Variants in NLGN4X observed in about 807,000 individuals in gnomAD.
The protein encoded by NLGN4X is neuroligin 4 X-linked.
NLGN4X carries 3 observed loss-of-function variants against 40.3 expected under a neutral mutation model. The ratio of observed to expected loss-of-function variants is 0.07; its 90% CI spans 0.03 to 0.19. The LOEUF is 0.19. Ranked by LOEUF, NLGN4X falls within the 10% of genes least tolerant of loss-of-function variation. NLGN4X has a pLI of 1.00. For synonymous variants in NLGN4X, 270 were observed against 306.8 expected, an observed-to-expected ratio of 0.88 and a Z score of 1.25; for missense variants, 382 against 708.3, an observed-to-expected ratio of 0.54 and a Z score of 5.23.
intron 2 of NLGN4X, among the ~76,000 whole-genome samples, chrX:6,137,013 T>G (rs192184493): frequency 8.9e-6 from 1 of 112,545 alleles, no homozygotes; most frequent in African/African-American, 3.2e-5. Context: ...CCAGACTGCA[T>G]TCATTTCTGG....
rs372197838 is a variant in NLGN4X at position 6,131,217 on chromosome X, G to A, written c.472+19778C>T. Among the ~76,000 whole-genome samples the A allele has an allele frequency of 3.1e-4, 34 of 110,112 alleles. No homozygotes were observed. The East Asian group carries it at 8.4e-3, about 27-fold the overall frequency. Reference sequence around the variant, plus strand: ...AGACTATTCATGCATTAAAAAAAAAGAAATAATTGGGACAAAGATCTCCTA... The same window carrying A: ...AGACTATTCATGCATTAAAAAAAAAAAAATAATTGGGACAAAGATCTCCTA... On this transcript the variant is annotated intron_variant, in intron 2 of 5. Coordinates refer to ENST00000381095, the MANE Select transcript of NLGN4X (RefSeq NM_181332.3).
intron 3 of NLGN4X, among the ~76,000 whole-genome samples, chrX:5,968,457 C>CTCTCTCTCTGTGTGTGTGTG (rs1192942244): frequency 4.3e-5 from 2 of 47,018 alleles, no homozygotes; most frequent in African/African-American, 2.2e-4. Context: ...CTCTCTCTCT[C>CTCTCTCTCTGTGTGTGTGTG]TGTGTGTGTG....
intron 2 of NLGN4X, among the ~76,000 whole-genome samples, chrX:6,053,512 T>C (rs1392833925): frequency 9.0e-6 from 1 of 110,719 alleles, no homozygotes; most frequent in Non-Finnish European, 1.9e-5. Context: ...TGGTATACAA[T>C]CATCACATAA....
intron 3 of NLGN4X, among the ~76,000 whole-genome samples, chrX:5,978,778 TG>T (rs759470484): frequency 8.9e-6 from 1 of 111,744 alleles, no homozygotes; most frequent in South Asian, 3.7e-4. Flanking sequence ...TATACAGTTA[TG>T]AAGCCATCAC....
At chrX:6,081,359 T>C (rs919032609) in intron 2 of NLGN4X, among the ~76,000 whole-genome samples, 3 of 112,229 alleles carry the variant, frequency 2.7e-5, no homozygotes, top group African/African-American at 9.7e-5. Context: ...TCAAGCGATT[T>C]TCCTGCCCTA....
chrX:5,970,974 G>T (rs936419416), intron 3 of NLGN4X, among the ~76,000 whole-genome samples: 1 of 110,938 alleles, frequency 9.0e-6, no homozygotes, highest in African/African-American at 3.3e-5. Flanking sequence ...GACTACTCTC[G>T]GTATAGATAC....
chrX:6,101,860 A>G (rs2038915877), intron 2 of NLGN4X, among the ~76,000 whole-genome samples: 2 of 106,128 alleles, frequency 1.9e-5, no homozygotes, highest in Non-Finnish European at 3.9e-5. Flanking sequence ...CCCAGGCTGG[A>G]GTGCAGTGGC....
chrX:5,906,887 C>T (rs1235000095), intron 4 of NLGN4X, among the ~76,000 whole-genome samples: 1 of 110,840 alleles, frequency 9.0e-6, no homozygotes, highest in Non-Finnish European at 1.9e-5. Flanking sequence ...CGAGACTAGC[C>T]TGGCCAACAC....
chrX:5,899,202 T>C (rs1216568055), intron 5 of NLGN4X, among the ~76,000 whole-genome samples: 2 of 112,454 alleles, frequency 1.8e-5, no homozygotes, highest in Non-Finnish European at 3.8e-5. Flanking sequence ...AAGAGCTCAC[T>C]GCATTAATAC....
chrX:6,136,164 G>A (rs187551343), intron 2 of NLGN4X, among the ~76,000 whole-genome samples: 107 of 111,795 alleles, frequency 9.6e-4, no homozygotes, highest in African/African-American at 3.3e-3. Context: ...CTGCAGCCTC[G>A]ACCTCCTGAC....
chrX:6,037,019 AT>A (rs1363696578), intron 2 of NLGN4X, among the ~76,000 whole-genome samples: 1 of 111,600 alleles, frequency 9.0e-6, no homozygotes, highest in African/African-American at 3.3e-5. Flanking sequence ...TTTGTAAAGA[AT>A]TTGGAAAATG....
chrX:6,019,434 T>C (rs1006726430), intron 3 of NLGN4X, among the ~76,000 whole-genome samples: 12 of 111,753 alleles, frequency 1.1e-4, no homozygotes, highest in Non-Finnish European at 2.1e-4. Flanking sequence ...AGGCATGCAC[T>C]GCATAATAAT....
intron 1 of NLGN4X, among the ~76,000 whole-genome samples, chrX:6,172,107 C>T (rs1206151107): frequency 8.9e-6 from 1 of 111,906 alleles, no homozygotes; most frequent in Non-Finnish European, 1.9e-5. Flanking sequence ...GCCAATTAAA[C>T]CTCTTTTCTT....
At chrX:5,933,469 T>C (rs764073989) in intron 3 of NLGN4X, among the ~76,000 whole-genome samples, 1 of 112,044 alleles carries the variant, frequency 8.9e-6, no homozygotes, top group Non-Finnish European at 1.9e-5. Context: ...ATGTATTCTA[T>C]ATATTTTTGA....
At chrX:6,197,450 T>G (rs773371880) in intron 1 of NLGN4X, among the ~76,000 whole-genome samples, 44 of 107,455 alleles carry the variant, frequency 4.1e-4, no homozygotes, top group Non-Finnish European at 3.1e-4. Context: ...TTTGTATTTT[T>G]TATAGAGACG....
chrX:5,903,007 A>G, intron 5 of NLGN4X, 70 bp downstream of exon 5: 1 of 1,157,848 alleles, frequency 8.6e-7, no homozygotes, highest in Non-Finnish European at 1.2e-6. Flanking sequence ...TGGCAGTAGA[A>G]GCAACACCTA....
At chrX:6,222,816 C>A (rs746291238) in intron 1 of NLGN4X, among the ~76,000 whole-genome samples, 1 of 112,141 alleles carries the variant, frequency 8.9e-6, no homozygotes, top group Admixed American at 9.4e-5. Context: ...TGAGTAAGTT[C>A]TCACAAGATC....
In NLGN4X at chrX:5,899,869, A is replaced by T. The variant is rs950503749; in HGVS notation, c.1601+3208T>A. On this transcript the variant is annotated intron_variant, in intron 5 of 5. Transcript: ENST00000381095. Reference sequence around the variant, plus strand: ...AGCTTTCCACTTAAGATAATCATATAAAGTTTATTTTCAAATCATGTAAGG... The same window carrying T: ...AGCTTTCCACTTAAGATAATCATATTAAGTTTATTTTCAAATCATGTAAGG... Among the ~76,000 whole-genome samples, 5 of 111,770 alleles carry T rather than the reference A, an allele frequency of 4.5e-5. No individual in the cohort carries two copies. In the Admixed American group the frequency reaches 4.7e-4, roughly 11 times the overall value.
chrX:5,963,569 G>A (rs1432390265), intron 3 of NLGN4X, among the ~76,000 whole-genome samples: 1 of 111,746 alleles, frequency 8.9e-6, no homozygotes. Context: ...AAACAACAAG[G>A]TAGGAGAATT....
Sources: gnomAD v4.1 joint callset for allele counts (sites outside exome capture counted in the v4.1 genomes callset) on GRCh38, gnomAD v4.1.1 for gene constraint, MANE v1.5 for transcripts, NCBI Gene and HGNC (gene_info 2026-07-23, HGNC 2026-07-21) for gene names.